STAP1: variants seen among roughly 807,000 people sequenced by gnomAD.
STAP1 encodes signal transducing adaptor family member 1.
A neutral mutation model predicts 37.8 loss-of-function variants in STAP1; 30 were observed. The ratio of observed to expected loss-of-function variants is 0.79; its 90% CI spans 0.59 to 1.08. The LOEUF is 1.08. Ranked by LOEUF, STAP1 falls within the 50% of genes least tolerant of loss-of-function variation. The pLI, the probability that STAP1 is intolerant of heterozygous loss-of-function variation, is 0.00. For synonymous variants in STAP1, 130 were observed against 116.0 expected (o/e 1.12, Z -0.78); for missense variants, 357 against 349.4 (o/e 1.02, Z -0.17).
chr4:67,577,079 A>T, intron 3 of STAP1, 124 bp from the exon 4 acceptor site: 1 of 696,386 alleles, frequency 1.4e-6, no homozygotes, highest in Non-Finnish European at 2.3e-6. Context: ...AATACACATT[A>T]GTAGTTCTAA....
At chr4:67,605,238 C>T (rs1728425630) in intron 8 of STAP1, among the ~76,000 whole-genome samples, 1 of 152,114 alleles carries the variant, frequency 6.6e-6, no homozygotes, top group South Asian at 2.1e-4. Context: ...TTCCAATTCT[C>T]CCCTCTGCCC....
chr4:67,587,654 A>G (rs1276395305), intron 6 of STAP1, among the ~76,000 whole-genome samples: 1 of 152,180 alleles, frequency 6.6e-6, no homozygotes, highest in African/African-American at 2.4e-5. Context: ...CTTTGCAAAA[A>G]TGGAAGTCAG....
intron 7 of STAP1, among the ~76,000 whole-genome samples, chr4:67,592,385 T>G (rs1156598947): frequency 6.6e-6 from 1 of 152,232 alleles, no homozygotes; most frequent in Non-Finnish European, 1.5e-5. Flanking sequence ...AGACACATTT[T>G]ATCTACTCCT....
chr4:67,584,547 G>A (rs766049390), intron 6 of STAP1, among the ~76,000 whole-genome samples: 3 of 152,140 alleles, frequency 2.0e-5, no homozygotes, highest in Non-Finnish European at 4.4e-5. Context: ...TTTTATGGTT[G>A]CTATTGTTTT....
At position 67,593,358 on chromosome 4, in the gene STAP1, T is replaced by C; in HGVS notation, c.826+2T>C. The C allele has an allele frequency of 6.3e-7, 1 of 1,594,838 alleles. No individual in the cohort carries two copies. Among genetic ancestry groups the C allele is most frequent in the Non-Finnish European group, 8.6e-7 (1 of 1,165,520 alleles). ...TATGTTCAACTGATGAAAACACTGG[T>C]ATGTTTTTCACTTCATTGCTATGTT... On this transcript the variant is annotated splice_donor_variant, in intron 8 of 8. Transcript: ENST00000265404. LOFTEE classifies it high-confidence loss of function.
Position 67,575,524 on chromosome 4 carries a change from T to C in STAP1, c.306+26T>C, listed in dbSNP as rs370413727. ...GTGAGCGAGGAGAAACAGTAGTCTG[T>C]AAAGGGTTGTGGTTATAAATAACAT... On this transcript the variant is annotated intron_variant, in intron 3 of 8. Transcript: ENST00000265404. 5.3e-5 allele frequency: 80 copies of C among 1,510,876 alleles called. 1 individual carries two copies. In the South Asian group the frequency reaches 6.2e-4, roughly 12 times the overall value. 93.6% of individuals were successfully genotyped at this position (1,510,876 alleles called of 1,614,324 possible). A position where few individuals can be genotyped will look rare whatever the true frequency, so the allele number is the denominator to read the frequency against.
Position 67,580,309 on chromosome 4 carries a change from A to G in STAP1, c.364-996A>G, listed in dbSNP as rs141786142. On this transcript the variant is annotated intron_variant, in intron 4 of 8. Transcript: ENST00000265404. ...TTCTGGTATATATGGAAATTGTTTTACTGGTTATTATCTTAGTTATCTAAA... is the reference window on the plus strand; with the variant it reads ...TTCTGGTATATATGGAAATTGTTTTGCTGGTTATTATCTTAGTTATCTAAA... 5.9e-5 allele frequency among the ~76,000 whole-genome samples: 9 copies of G among 152,292 alleles called. No individual in the cohort carries two copies. The East Asian group carries it at 1.5e-3, about 26-fold the overall frequency.
chr4:67,581,575 G>A (rs1727860545), intron 5 of STAP1, 104 bp downstream of exon 5: 2 of 1,275,752 alleles, frequency 1.6e-6, no homozygotes, highest in Non-Finnish European at 2.2e-6. Flanking sequence ...GGGACAATAA[G>A]CAGTCTTGGG....
At chr4:67,562,087 A>AAAAAG (rs1416335142) in intron 1 of STAP1, among the ~76,000 whole-genome samples, 1 of 143,686 alleles carries the variant, frequency 7.0e-6, no homozygotes, top group Non-Finnish European at 1.5e-5. Flanking sequence ...AAAAAAAAAA[A>AAAAAG]AAAAGAAAGA....
intron 5 of STAP1, 108 bp downstream of exon 5, chr4:67,581,579 T>C (rs994303790): frequency 8.1e-7 from 1 of 1,240,238 alleles, no homozygotes; most frequent in African/African-American, 1.5e-5. Context: ...CAATAAGCAG[T>C]CTTGGGGATA....
chr4:67,579,176 C>T (rs757846075), intron 4 of STAP1, among the ~76,000 whole-genome samples: 6 of 152,108 alleles, frequency 3.9e-5, no homozygotes, highest in Admixed American at 6.5e-5. Flanking sequence ...TAAGAGAAGA[C>T]AAGTTGCCTC....
chr4:67,568,232 C>A (rs1727516547), intron 1 of STAP1, among the ~76,000 whole-genome samples: 1 of 152,106 alleles, frequency 6.6e-6, no homozygotes, highest in African/African-American at 2.4e-5. Context: ...ATTGAAGAGA[C>A]ACAAAATACC....
intron 5 of STAP1, 151 bp from the exon 6 acceptor site, chr4:67,583,423 C>A: frequency 2.7e-6 from 2 of 751,594 alleles, no homozygotes; most frequent in Admixed American, 3.1e-5. Flanking sequence ...AATAATAGAG[C>A]ATTGTAATTA....
chr4:67,574,275 C>T (rs1445089288), intron 2 of STAP1, among the ~76,000 whole-genome samples: 4 of 152,050 alleles, frequency 2.6e-5, no homozygotes, highest in African/African-American at 4.8e-5. Flanking sequence ...TGGTAACCAA[C>T]TGTCAATGTA....
chr4:67,581,584 G>T (rs1237328269), intron 5 of STAP1, 113 bp downstream of exon 5: 2 of 1,179,374 alleles, frequency 1.7e-6, no homozygotes, highest in East Asian at 2.4e-5. Flanking sequence ...AGCAGTCTTG[G>T]GGATAAACTG....
At chr4:67,591,907 A>C (rs1468815386) in intron 7 of STAP1, among the ~76,000 whole-genome samples, 1 of 152,178 alleles carries the variant, frequency 6.6e-6, no homozygotes, top group African/African-American at 2.4e-5. Context: ...AAGGCAGAAA[A>C]CTAGATTGCT....
At chr4:67,597,838 T>C (rs991765455) in intron 8 of STAP1, among the ~76,000 whole-genome samples, 2 of 152,240 alleles carry the variant, frequency 1.3e-5, no homozygotes, top group South Asian at 4.1e-4. Flanking sequence ...TGGAAGTAAC[T>C]AATCTTTGAT....
rs7681638 is a variant in STAP1, at chr4:67,593,090, G to A, written c.730-170G>A. Among the ~76,000 whole-genome samples the A allele has an allele frequency of 0.12, 18,355 of 152,182 alleles. 2,019 individuals carry two copies. The highest frequency in any genetic ancestry group is 0.29 in the African/African-American group (12,157 of 41,484). ...TTCCTCAACAGAGAATGGACACATG[G>A]TCAATTAAAAAGGATAAATAAGACA... On this transcript the variant is annotated intron_variant, in intron 7 of 8. Transcript: ENST00000265404.
intron 6 of STAP1, among the ~76,000 whole-genome samples, chr4:67,588,396 T>C (rs1231685443): frequency 6.6e-6 from 1 of 151,988 alleles, no homozygotes; most frequent in African/African-American, 2.4e-5. Flanking sequence ...TTTTTTTTGT[T>C]GTTGTTGTTG....
Sources: gnomAD v4.1 joint callset for allele counts (sites outside exome capture counted in the v4.1 genomes callset) on GRCh38, gnomAD v4.1.1 for gene constraint, MANE v1.5 for transcripts, NCBI Gene and HGNC (gene_info 2026-07-23, HGNC 2026-07-21) for gene names.